The following SANBR variants were observed in gnomAD, a reference collection of about 807,000 sequenced individuals.
SANBR encodes the protein SANT and BTB domain regulator of CSR, also known as SANT and BTB domain regulator of class switch recombination.
A neutral mutation model predicts 101.8 loss-of-function variants in SANBR; 77 were observed. That is an observed-to-expected ratio of 0.76 (90% CI 0.63 to 0.91). SANBR has a LOEUF of 0.91. Among genes scored for constraint, SANBR ranks in the 40% least tolerant of loss-of-function variants. The pLI is 0.00. For missense variants in SANBR, 875 were observed against 853.0 expected (o/e 1.03, Z -0.32); for synonymous variants, 279 against 274.7 (o/e 1.02, Z -0.15).
In SANBR at chr2:61,101,215, C is replaced by T. The variant is rs185886447; in HGVS notation, c.1366-2638C>T. Reference sequence around the variant, plus strand: ...GTTAAGCAAAATTAGATTAGCTTTGCTAGACCCAAGATATTTCGTTAATTC... The same window carrying T: ...GTTAAGCAAAATTAGATTAGCTTTGTTAGACCCAAGATATTTCGTTAATTC... On this transcript the variant is annotated intron_variant, in intron 12 of 21. Transcript: ENST00000402291. Among the ~76,000 whole-genome samples the T allele has an allele frequency of 1.2e-4, 18 of 152,226 alleles. No individual in the cohort carries two copies. The East Asian group carries it at 3.3e-3, about 28-fold the overall frequency.
intron 13 of SANBR, among the ~76,000 whole-genome samples, chr2:61,104,716 G>A (rs527498427): frequency 2.6e-5 from 4 of 151,524 alleles, no homozygotes; most frequent in Admixed American, 6.6e-5. Context: ...CTGAAGTCGC[G>A]TTCATCATTT....
intron 2 of SANBR, among the ~76,000 whole-genome samples, chr2:61,069,481 G>A (rs530555002): frequency 1.3e-5 from 2 of 152,234 alleles, no homozygotes; most frequent in East Asian, 1.9e-4. Context: ...GTCTGTCAGC[G>A]AATCTCTGCT....
chr2:61,069,926 G>A (rs1336408958), intron 2 of SANBR, among the ~76,000 whole-genome samples: 4 of 151,998 alleles, frequency 2.6e-5, no homozygotes, highest in East Asian at 1.9e-4. Flanking sequence ...CATAGTATAC[G>A]TCTTGTGTGG....
chr2:61,117,844 A>G (rs1553437219), intron 19 of SANBR, among the ~76,000 whole-genome samples, 184 bp from the exon 20 acceptor site: 13 of 152,250 alleles, frequency 8.5e-5, no homozygotes, highest in Non-Finnish European at 1.9e-4. Context: ...CAGCACAATT[A>G]TCCACAGATG....
In SANBR at chr2:61,080,931, C is replaced by A. The variant is rs956542629; in HGVS notation, c.671-521C>A. The stretch of plus-strand genomic sequence containing the variant: ...GCTAAACTACAGCATCAGGCGGCAT[C>A]CCCCTTTCTTTTTCTGTATGTCTGA... On this transcript the variant is annotated intron_variant, in intron 6 of 21. Transcript: ENST00000402291. Among the ~76,000 whole-genome samples, 6 of 152,102 alleles carry A rather than the reference C, an allele frequency of 3.9e-5. No individual in the cohort carries two copies. The East Asian group carries it at 1.2e-3, about 29-fold the overall frequency.
intron 13 of SANBR, among the ~76,000 whole-genome samples, chr2:61,104,221 A>G (rs915776014): frequency 1.3e-5 from 2 of 152,134 alleles, no homozygotes; most frequent in African/African-American, 2.4e-5. Context: ...GGTGGCTCAC[A>G]CCTGTAATCC....
chr2:61,067,379 C>T (rs1210237571), intron 1 of SANBR, among the ~76,000 whole-genome samples: 2 of 152,178 alleles, frequency 1.3e-5, no homozygotes, highest in African/African-American at 4.8e-5. Context: ...AATGAGCTCT[C>T]AGGGAAGATC....
At chr2:61,128,284 AAAG>A (rs1380649684), downstream of SANBR, among the ~76,000 whole-genome samples, 2 of 151,678 alleles carry the variant, frequency 1.3e-5, no homozygotes, top group African/African-American at 4.8e-5. Flanking sequence ...AAAAAAAAAA[AAAG>A]AATCCTTACT....
chr2:61,115,955 A>G, intron 16 of SANBR, 24 bp from the exon 17 acceptor site: 5 of 1,496,920 alleles, frequency 3.3e-6, no homozygotes, highest in Non-Finnish European at 4.6e-6. Context: ...GCCTAAGTTT[A>G]TAACATTGTC....
intron 20 of SANBR, 87 bp downstream of exon 20, chr2:61,118,203 G>T: frequency 1.2e-6 from 1 of 855,762 alleles, no homozygotes; most frequent in Non-Finnish European, 1.8e-6. Context: ...AGATGTCTTA[G>T]GCAGAATTTT....
At chr2:61,134,397 G>A in intron 21 of SANBR, 3 of 990,646 alleles carry the variant, frequency 3.0e-6, no homozygotes, top group Non-Finnish European at 4.3e-6. Flanking sequence ...CTAGATGGTT[G>A]CCTTTTGTTT....
At chr2:61,090,276 C>T (rs1355592015) in intron 10 of SANBR, among the ~76,000 whole-genome samples, 3 of 152,040 alleles carry the variant, frequency 2.0e-5, no homozygotes, top group African/African-American at 7.2e-5. Context: ...TTTTGTTGTT[C>T]TTTTTTCTAT....
intron 10 of SANBR, chr2:61,090,508 CA>C (rs1184479193): frequency 6.6e-6 from 1 of 151,680 alleles, no homozygotes; most frequent in Non-Finnish European, 1.5e-5. Flanking sequence ...GGCTGGAATG[CA>C]GTGGTGCAAT....
At chr2:61,103,624 A>G (rs967079763) in intron 12 of SANBR, among the ~76,000 whole-genome samples, 5 of 152,206 alleles carry the variant, frequency 3.3e-5, no homozygotes, top group Admixed American at 3.3e-4. Flanking sequence ...GAGTGCTCGT[A>G]ATGTTCTAAT....
At chr2:61,094,998 A>T (rs961018117) in intron 11 of SANBR, among the ~76,000 whole-genome samples, 10 of 152,078 alleles carry the variant, frequency 6.6e-5, no homozygotes, top group Non-Finnish European at 1.2e-4. Context: ...TGGTAGTTTA[A>T]CACTTGCCAT....
chr2:61,137,440 A>G (rs909834451), intron 21 of SANBR: 1 of 152,296 alleles, frequency 6.6e-6, no homozygotes, highest in Non-Finnish European at 1.5e-5. Flanking sequence ...CTGAAGAACT[A>G]CCACCCTTTT....
downstream of SANBR, among the ~76,000 whole-genome samples, chr2:61,126,996 C>T (rs549635373): frequency 1.1e-4 from 16 of 152,248 alleles, no homozygotes; most frequent in South Asian, 2.5e-3. Flanking sequence ...TTCCTGTGTG[C>T]TTAGTATAAA....
At chr2:61,084,542 TAGTG>T (rs1269871787) in intron 8 of SANBR, among the ~76,000 whole-genome samples, 1 of 152,024 alleles carries the variant, frequency 6.6e-6, no homozygotes, top group African/African-American at 2.4e-5. Flanking sequence ...CTGGGCAACA[TAGTG>T]AGACCCATTT....
intron 19 of SANBR, 101 bp from the exon 20 acceptor site, chr2:61,117,927 G>C: frequency 3.6e-6 from 3 of 843,602 alleles, no homozygotes; most frequent in Non-Finnish European, 5.6e-6. Context: ...TAGTATCAAA[G>C]GATATTTTCA....
Sources: allele counts gnomAD v4.1 joint callset (sites outside exome capture counted in the v4.1 genomes callset), GRCh38; gene constraint gnomAD v4.1.1; transcripts MANE v1.5; gene names NCBI Gene and HGNC (gene_info 2026-07-23, HGNC 2026-07-21).